The following FHIT variants were observed in gnomAD, a reference collection of about 807,000 sequenced individuals.
The protein encoded by FHIT is bis(5'-adenosyl)-triphosphatase.
In FHIT, 19 loss-of-function variants were observed where a neutral mutation model predicts 17.9. That is an observed-to-expected ratio of 1.06 (90% confidence interval 0.74 to 1.56). The LOEUF (loss-of-function observed/expected upper bound fraction) is 1.56, where lower values mean the gene tolerates loss of function less well. Among genes scored for constraint, FHIT ranks in the 40% most tolerant of loss-of-function variants. The probability of loss-of-function intolerance (pLI) is 0.00; values close to 1 mark genes in which losing one functional copy is unlikely to be tolerated. For synonymous variants in FHIT, 81 were observed against 69.7 expected, an observed-to-expected ratio of 1.16 and a Z score of -0.81; for missense variants, 248 against 189.2, an observed-to-expected ratio of 1.31 and a Z score of -1.82.
At position 60,398,452 on chromosome 3, in the gene FHIT, A is replaced by G. The variant is rs573802755; in HGVS notation, c.103+138408T>C. On this transcript the variant is annotated intron_variant, in intron 5 of 9. Coordinates refer to ENST00000492590, the MANE Select transcript of FHIT (RefSeq NM_002012.4). ...AGTAATAATCGTGTGTGTAACCCAA[A>G]AAGGGCAAATCTGATCCTGCCTATC... Among the ~76,000 whole-genome samples the G allele has an allele frequency of 2.6e-5, 4 of 152,300 alleles. No homozygotes were observed. In the South Asian group the frequency reaches 8.3e-4, roughly 32 times the overall value.
chr3:60,418,718 T>A (rs1373057636), intron 5 of FHIT, among the ~76,000 whole-genome samples: 1 of 151,432 alleles, frequency 6.6e-6, no homozygotes, highest in African/African-American at 2.4e-5. Context: ...GTATTCATGC[T>A]ACTGCACTCC....
intron 5 of FHIT, among the ~76,000 whole-genome samples, chr3:60,023,543 C>T (rs1465469420): frequency 6.6e-6 from 1 of 152,188 alleles, no homozygotes; most frequent in African/African-American, 2.4e-5. Flanking sequence ...ATTCCAGTTT[C>T]CCTCAGATCT....
intron 7 of FHIT, among the ~76,000 whole-genome samples, chr3:59,944,782 G>C (rs935338603): frequency 6.6e-6 from 1 of 152,022 alleles, no homozygotes; most frequent in Non-Finnish European, 1.5e-5. Context: ...GCAGTATTTG[G>C]TTTTCTGTTC....
chr3:60,220,455 C>A (rs1365603307), intron 5 of FHIT, among the ~76,000 whole-genome samples: 3 of 151,922 alleles, frequency 2.0e-5, no homozygotes, highest in Non-Finnish European at 4.4e-5. Flanking sequence ...AAAAATAAAT[C>A]AACTGACATA....
intron 4 of FHIT, among the ~76,000 whole-genome samples, chr3:60,539,795 G>T (rs1250605159): frequency 6.6e-6 from 1 of 152,080 alleles, no homozygotes; most frequent in Non-Finnish European, 1.5e-5. Flanking sequence ...CTGTTGTGGG[G>T]TGGGGCGAGG....
chr3:60,370,129 AAAGG>A (rs1700266631), intron 5 of FHIT, among the ~76,000 whole-genome samples: 1 of 152,184 alleles, frequency 6.6e-6, no homozygotes, highest in Non-Finnish European at 1.5e-5. Flanking sequence ...ATAATATGTA[AAAGG>A]AAGAGCTGCT....
chr3:60,529,515 C>A (rs1245895651), intron 5 of FHIT, among the ~76,000 whole-genome samples: 2 of 152,182 alleles, frequency 1.3e-5, no homozygotes, highest in Non-Finnish European at 2.9e-5. Context: ...AATTACATGA[C>A]ACTTCTTATA....
chr3:59,874,836 A>G (rs1488306938), intron 8 of FHIT, among the ~76,000 whole-genome samples: 1 of 152,082 alleles, frequency 6.6e-6, no homozygotes, highest in Non-Finnish European at 1.5e-5. Flanking sequence ...CTCCAATTCC[A>G]TTCCTTCTAG....
chr3:60,911,258 C>T (rs144064546), intron 3 of FHIT, among the ~76,000 whole-genome samples: 1 of 152,218 alleles, frequency 6.6e-6, no homozygotes, highest in East Asian at 1.9e-4. Context: ...CACAAAAAGT[C>T]GCATTTAATG....
chr3:60,487,183 C>A (rs1168424161), intron 5 of FHIT, among the ~76,000 whole-genome samples: 3 of 152,070 alleles, frequency 2.0e-5, no homozygotes, highest in Non-Finnish European at 4.4e-5. Context: ...AGAGACTTCA[C>A]TAGGCAAGTT....
Position 60,150,588 on chromosome 3 carries a change from C to G in FHIT, c.104-136436G>C, listed in dbSNP as rs759912612. On this transcript the variant is annotated intron_variant, in intron 5 of 9. Coordinates refer to ENST00000492590, the MANE Select transcript of FHIT (RefSeq NM_002012.4). Reference sequence around the variant, plus strand: ...TCTCCCACCTCAGTCTCGAAAGTCGCTGAGACTATAGGTGTGCACCTTAAT... The same window carrying G: ...TCTCCCACCTCAGTCTCGAAAGTCGGTGAGACTATAGGTGTGCACCTTAAT... Among the ~76,000 whole-genome samples, 279 of 152,306 alleles carry G rather than the reference C, an allele frequency of 1.8e-3. 3 individuals carry two copies. Among genetic ancestry groups the G allele is most frequent in the Non-Finnish European group, 2.6e-3 (175 of 68,040 alleles).
intron 5 of FHIT, among the ~76,000 whole-genome samples, chr3:60,390,396 T>TGAAAAAAAAAAA (rs1701174274): frequency 3.1e-5 from 1 of 32,030 alleles, no homozygotes; most frequent in African/African-American, 1.2e-4. Flanking sequence ...GTAATGGAGC[T>TGAAAAAAAAAAA]AAAAAAAAAA....
chr3:60,587,107 G>A (rs1553662370), intron 4 of FHIT, among the ~76,000 whole-genome samples: 3 of 151,806 alleles, frequency 2.0e-5, no homozygotes, highest in Admixed American at 2.0e-4. Context: ...CAACCCAAAT[G>A]CCCATCAATA....
chr3:61,197,048 T>C (rs1576192646), intron 2 of FHIT, among the ~76,000 whole-genome samples: 1 of 152,174 alleles, frequency 6.6e-6, no homozygotes. Flanking sequence ...ACAAGCACTA[T>C]ACAAGGTGGT....
At chr3:60,102,264 G>C (rs1704225078) in intron 5 of FHIT, among the ~76,000 whole-genome samples, 1 of 152,174 alleles carries the variant, frequency 6.6e-6, no homozygotes, top group Non-Finnish European at 1.5e-5. Flanking sequence ...CGCCAATGTT[G>C]GCAGCAGCAA....
At chr3:60,685,446 T>C (rs2040841274) in intron 4 of FHIT, among the ~76,000 whole-genome samples, 2 of 152,138 alleles carry the variant, frequency 1.3e-5, no homozygotes, top group Admixed American at 1.3e-4. Context: ...CAAACCATGT[T>C]ATGTCTTCTG....
chr3:60,561,651 A>G (rs190353629), intron 4 of FHIT, among the ~76,000 whole-genome samples: 2 of 152,280 alleles, frequency 1.3e-5, no homozygotes, highest in African/African-American at 4.8e-5. Context: ...TGAGCTTTGT[A>G]GTTCTGACAC....
intron 4 of FHIT, among the ~76,000 whole-genome samples, chr3:60,694,151 C>T (rs1184438425): frequency 6.6e-6 from 1 of 152,102 alleles, no homozygotes; most frequent in Admixed American, 6.6e-5. Context: ...AATATGAACA[C>T]CATAAAAACA....
rs367754590 is a variant in FHIT, at chr3:59,748,799, T to TA, written c.*785dup. ...CCGTTGGCCTTGAACTAATAATACT[T>TA]AACATCCTTAAGCCTTAGTTTTCTC... On this transcript the variant is annotated 3_prime_UTR_variant, in exon 10 of 10. Transcript: ENST00000492590. Among the ~76,000 whole-genome samples, 2 of 152,140 alleles carry TA rather than the reference T, an allele frequency of 1.3e-5. No homozygotes were observed. Among genetic ancestry groups the TA allele is most frequent in the Non-Finnish European group, 2.9e-5 (2 of 68,016 alleles).
Sources: gnomAD v4.1 joint callset for allele counts (sites outside exome capture counted in the v4.1 genomes callset) on GRCh38, gnomAD v4.1.1 for gene constraint, MANE v1.5 for transcripts, NCBI Gene and HGNC (gene_info 2026-07-23, HGNC 2026-07-21) for gene names.